ZCCHC24: variants seen among roughly 807,000 people sequenced by gnomAD.
ZCCHC24 encodes the protein zinc finger CCHC domain-containing protein 24.
ZCCHC24 carries 10 observed loss-of-function variants against 26.2 expected under a neutral mutation model. That is an observed-to-expected ratio of 0.38 (90% CI 0.24 to 0.65). The LOEUF (loss-of-function observed/expected upper bound fraction) is 0.65. Among genes scored for constraint, ZCCHC24 ranks in the 30% least tolerant of loss-of-function variants. The pLI, the probability that ZCCHC24 is intolerant of heterozygous loss-of-function variation, is 0.54. For synonymous variants in ZCCHC24, 144 were observed against 147.1 expected, an observed-to-expected ratio of 0.98 and a Z score of 0.15; for missense variants, 243 against 329.1, an observed-to-expected ratio of 0.74 and a Z score of 2.03.
chr10:79,435,401 C>G (rs1211927997), intron 1 of ZCCHC24, among the ~76,000 whole-genome samples: 3 of 152,186 alleles, frequency 2.0e-5, no homozygotes, highest in Non-Finnish European at 4.4e-5. Flanking sequence ...GCCCCACAGG[C>G]ATCCCTGGGC....
At chr10:79,410,247 A>G (rs968824228) in intron 2 of ZCCHC24, among the ~76,000 whole-genome samples, 2 of 152,252 alleles carry the variant, frequency 1.3e-5, no homozygotes, top group African/African-American at 2.4e-5. Context: ...CCACCATAGC[A>G]TATCCATTGG....
chr10:79,385,510 G>A lies in ZCCHC24; in HGVS notation c.*835C>T, dbSNP rs4980069. The A allele has an allele frequency of 0.83, 126,195 of 152,268 alleles. 52,803 individuals carry two copies. Among genetic ancestry groups the A allele is most frequent in the African/African-American group, 0.96 (39,843 of 41,560 alleles). The allele number at this position is 152,268 out of a possible 1,614,324, so 9.4% of individuals were successfully genotyped here. A position where few individuals can be genotyped will look rare whatever the true frequency, so the allele number is the denominator to read the frequency against. On this transcript the variant is annotated 3_prime_UTR_variant, in exon 4 of 4. Transcript: ENST00000372336. The surrounding 1 kb of genome is among the most constrained non-coding windows in gnomAD (Gnocchi z 4.3). ...ACACCAGGCTTGTGTCCTTTCTGCT[G>A]GAACAGACACGCTGGGCTTCCACAC...
At chr10:79,430,132 C>A (rs955085339) in intron 2 of ZCCHC24, among the ~76,000 whole-genome samples, 4 of 152,218 alleles carry the variant, frequency 2.6e-5, no homozygotes, top group Non-Finnish European at 5.9e-5. Flanking sequence ...TGTCCAGGCA[C>A]TGTGCTAAGC....
intron 2 of ZCCHC24, chr10:79,403,711 C>T (rs570985555): frequency 1.5e-6 from 1 of 659,568 alleles, no homozygotes; most frequent in South Asian, 6.8e-5. Flanking sequence ...CAGCATGGGC[C>T]CAGAAGGCCT....
intron 1 of ZCCHC24, among the ~76,000 whole-genome samples, chr10:79,441,075 C>T (rs1328284977): frequency 7.1e-6 from 1 of 140,894 alleles, no homozygotes; most frequent in East Asian, 2.2e-4. Flanking sequence ...GGAGCTGCCC[C>T]CTAAACACAC....
chr10:79,387,094 T>A (rs1489532403), intron 3 of ZCCHC24, among the ~76,000 whole-genome samples: 1 of 151,744 alleles, frequency 6.6e-6, no homozygotes, highest in Non-Finnish European at 1.5e-5. Flanking sequence ...GCTCCATGAG[T>A]GTTGATTGAC....
In ZCCHC24 at chr10:79,444,168, T is replaced by A. The variant is rs1158691819; in HGVS notation, c.246+1027A>T. The A allele has an allele frequency of 4.5e-6, 7 of 1,541,688 alleles. No individual in the cohort carries two copies. The East Asian group carries it at 1.5e-4, about 33-fold the overall frequency. ...TCCTCCCCCGAACACACCTCTTGCA[T>A]CTTTGCAGAGAAAACCCCCACAAGG... On this transcript the variant is annotated intron_variant, in intron 1 of 3. Transcript: ENST00000372336.
intron 2 of ZCCHC24, among the ~76,000 whole-genome samples, chr10:79,423,802 G>A (rs1856989032): frequency 6.6e-6 from 1 of 150,518 alleles, no homozygotes; most frequent in African/African-American, 2.4e-5. Context: ...CGGATCACTT[G>A]AGGTCAAGAG....
In ZCCHC24 at chr10:79,445,270, C is replaced by T. The variant is rs1012763150; in HGVS notation, c.171G>A (p.Lys57=). 4.1e-6 allele frequency: 6 copies of T among 1,457,182 alleles called. No homozygotes were observed. The African/African-American group carries it at 5.9e-5, about 14-fold the overall frequency. The allele number at this position is 1,457,182 out of a possible 1,614,324, so 90.3% of individuals were successfully genotyped here. A position where few individuals can be genotyped will look rare whatever the true frequency, so the allele number is the denominator to read the frequency against. The change falls in exon 1 of 4, where the codon AAG becomes AAA. Residue 57 remains lysine (K), a synonymous_variant. Coordinates refer to ENST00000372336, the MANE Select transcript of ZCCHC24 (RefSeq NM_153367.4). The part of the protein sequence containing the change: ...GAAPPELAFG[K]GRPEQLGSPL... ...GCGAGCCCAGCTGCTCGGGGCGGCC[C>T]TTGCCGAAGGCCAGCTCCGGGGGTG...
chr10:79,393,038 C>T (rs1856500679), intron 3 of ZCCHC24, among the ~76,000 whole-genome samples: 1 of 152,172 alleles, frequency 6.6e-6, no homozygotes, highest in Non-Finnish European at 1.5e-5. Context: ...CCTGGTTCTC[C>T]TTCTCCTTAC....
intron 3 of ZCCHC24, among the ~76,000 whole-genome samples, chr10:79,389,528 TA>T (rs1468728636): frequency 3.1e-5 from 2 of 65,200 alleles, no homozygotes; most frequent in African/African-American, 6.3e-5. Flanking sequence ...GACTTTTTCC[TA>T]GTGTGTGTGT....
At chr10:79,406,813 C>T (rs1203289687) in intron 2 of ZCCHC24, among the ~76,000 whole-genome samples, 1 of 152,222 alleles carries the variant, frequency 6.6e-6, no homozygotes, top group Admixed American at 6.5e-5. Context: ...CCTACATGGC[C>T]TTGAGCTCTG....
At chr10:79,436,122 T>C (rs1383364996) in intron 1 of ZCCHC24, among the ~76,000 whole-genome samples, 2 of 152,136 alleles carry the variant, frequency 1.3e-5, no homozygotes, top group East Asian at 3.9e-4. Context: ...TTCTGTGGCC[T>C]TCCTTCTGTG....
intron 2 of ZCCHC24, among the ~76,000 whole-genome samples, chr10:79,397,060 T>C (rs1223500838): frequency 6.6e-6 from 1 of 152,236 alleles, no homozygotes; most frequent in Non-Finnish European, 1.5e-5. Flanking sequence ...TCATGCCTCT[T>C]TGTCCCAGGC....
At chr10:79,428,411 A>T (rs2132213680) in intron 2 of ZCCHC24, among the ~76,000 whole-genome samples, 1 of 29,944 alleles carries the variant, frequency 3.3e-5, no homozygotes, top group South Asian at 5.7e-4. Context: ...TTGCAAGATA[A>T]ATTTCAGTTT....
chr10:79,431,688 A>G (rs1201896712), intron 2 of ZCCHC24, among the ~76,000 whole-genome samples: 2 of 152,194 alleles, frequency 1.3e-5, no homozygotes, highest in African/African-American at 2.4e-5. Context: ...TCAGTTTCCA[A>G]CATCTGGAGG....
chr10:79,411,332 C>T (rs1443153395), intron 2 of ZCCHC24, among the ~76,000 whole-genome samples: 1 of 152,188 alleles, frequency 6.6e-6, no homozygotes, highest in African/African-American at 2.4e-5. Flanking sequence ...ATTAAACACA[C>T]ACACACTCCC....
At chr10:79,434,595 G>C (rs1386623032) in intron 1 of ZCCHC24, among the ~76,000 whole-genome samples, 1 of 152,194 alleles carries the variant, frequency 6.6e-6, no homozygotes, top group Non-Finnish European at 1.5e-5. Flanking sequence ...CCATTTTACA[G>C]ATTACATGAG....
chr10:79,398,593 G>A (rs1856580052), intron 2 of ZCCHC24, among the ~76,000 whole-genome samples: 1 of 152,184 alleles, frequency 6.6e-6, no homozygotes, highest in South Asian at 2.1e-4. Flanking sequence ...TATCTGGGTA[G>A]CTCTCTATCC....
Sources: allele counts gnomAD v4.1 joint callset (sites outside exome capture counted in the v4.1 genomes callset), GRCh38; gene constraint gnomAD v4.1.1; non-coding constraint Gnocchi (gnomAD v3.1); transcripts MANE v1.5; gene names NCBI Gene and HGNC (gene_info 2026-07-23, HGNC 2026-07-21).